Variants in LDAH observed in about 807,000 individuals in gnomAD.
LDAH encodes the protein lipid droplet-associated hydrolase.
LDAH carries 26 observed loss-of-function variants against 29.6 expected under a neutral mutation model. The ratio of observed to expected loss-of-function variants is 0.88; its 90% confidence interval spans 0.64 to 1.22. The LOEUF is 1.22. LDAH is among the 50% of genes most tolerant of loss of function. The pLI, the probability that LDAH is intolerant of heterozygous loss-of-function variation, is 0.00. For missense variants in LDAH, 344 were observed against 387.3 expected (o/e 0.89, Z 0.94); for synonymous variants, 117 against 133.0 (o/e 0.88, Z 0.83).
intron 6 of LDAH, among the ~76,000 whole-genome samples, chr2:20,689,983 G>T (rs550206702): frequency 6.6e-6 from 1 of 152,326 alleles, no homozygotes; most frequent in African/African-American, 2.4e-5. Flanking sequence ...AACAAGAAAA[G>T]CGTCACTGTA....
rs555947196 is a variant in LDAH at position 20,772,763 on chromosome 2, C to T, written c.468+2047G>A. The stretch of plus-strand genomic sequence containing the variant: ...CTCTAATGAAGTCAGCTAGACAGGC[C>T]GACACGTTAAAGAAGGTGGCCTCCC... On this transcript the variant is annotated intron_variant, in intron 4 of 6. Coordinates refer to ENST00000237822, the MANE Select transcript of LDAH (RefSeq NM_021925.4). 1.2e-3 allele frequency among the ~76,000 whole-genome samples: 181 copies of T among 152,228 alleles called. 2 individuals are homozygous for T. In the Middle Eastern group the frequency reaches 0.014, roughly 11 times the overall value.
At position 20,685,401 on chromosome 2, in the gene LDAH, C is replaced by T. The variant is rs1425509685; in HGVS notation, c.*1502G>A. 2.0e-6 allele frequency: 2 copies of T among 998,266 alleles called. No individual in the cohort carries two copies. Among genetic ancestry groups the T allele is most frequent in the African/African-American group, 1.6e-5 (1 of 61,074 alleles). 61.8% of individuals were successfully genotyped at this position (998,266 alleles called of 1,614,324 possible). A position where few individuals can be genotyped will look rare whatever the true frequency, so the allele number is the denominator to read the frequency against. ...ATGCCAATAAAGGATCTGTGTACAG[C>T]CCTGTGCTTACGGCCTATGTATCTA... On this transcript the variant is annotated 3_prime_UTR_variant, in exon 7 of 7. Transcript: ENST00000237822.
chr2:20,803,680 G>A (rs1050208002), intron 1 of LDAH, among the ~76,000 whole-genome samples: 16 of 152,086 alleles, frequency 1.1e-4, no homozygotes, highest in African/African-American at 3.6e-4. Flanking sequence ...GTGCACCAGC[G>A]TTGGCTCAGA....
intron 1 of LDAH, among the ~76,000 whole-genome samples, chr2:20,803,458 T>C (rs530021230): frequency 1.3e-4 from 20 of 152,330 alleles, no homozygotes; most frequent in African/African-American, 4.8e-4. Flanking sequence ...TGCCCCAAGC[T>C]GTAAACAGCA....
chr2:20,693,021 C>T (rs1473889512), intron 6 of LDAH, among the ~76,000 whole-genome samples: 1 of 152,068 alleles, frequency 6.6e-6, no homozygotes, highest in Non-Finnish European at 1.5e-5. Context: ...GGTCCCTGAG[C>T]CATATCCACC....
intron 2 of LDAH, 119 bp from the exon 3 acceptor site, chr2:20,790,517 ACCC>A: frequency 5.1e-6 from 4 of 783,880 alleles, no homozygotes; most frequent in Non-Finnish European, 8.1e-6. Context: ...TCTTCAGAGT[ACCC>A]AAGAGAGATT....
At chr2:20,724,717 C>T (rs2149405435) in intron 5 of LDAH, among the ~76,000 whole-genome samples, 1 of 152,262 alleles carries the variant, frequency 6.6e-6, no homozygotes, top group South Asian at 2.1e-4. Flanking sequence ...TTATAAGAGC[C>T]AGAGACAATG....
At chr2:20,802,577 TTCTCTTCCCC>T (rs1245578624) in intron 1 of LDAH, among the ~76,000 whole-genome samples, 1 of 152,156 alleles carries the variant, frequency 6.6e-6, no homozygotes, top group Non-Finnish European at 1.5e-5. Context: ...CTTTCTGTCT[TTCTCTTCCCC>T]TCTCTTCCAC....
intron 4 of LDAH, among the ~76,000 whole-genome samples, chr2:20,772,035 A>G (rs1040437298): frequency 1.3e-5 from 2 of 152,234 alleles, no homozygotes; most frequent in Non-Finnish European, 2.9e-5. Flanking sequence ...TGAAAAAGCT[A>G]TAAGAAAGCA....
At chr2:20,815,139 C>G (rs531002448) in intron 1 of LDAH, among the ~76,000 whole-genome samples, 12 of 152,086 alleles carry the variant, frequency 7.9e-5, no homozygotes, top group African/African-American at 2.7e-4. Context: ...AGAAAAAATA[C>G]TAATTAAAAT....
chr2:20,814,885 T>C (rs1326765891), intron 1 of LDAH, among the ~76,000 whole-genome samples: 1 of 152,158 alleles, frequency 6.6e-6, no homozygotes, highest in Non-Finnish European at 1.5e-5. Context: ...TTCCCTTTTA[T>C]TAGGGCCTGT....
chr2:20,745,562 A>T (rs1199915667), intron 4 of LDAH, among the ~76,000 whole-genome samples: 1 of 152,236 alleles, frequency 6.6e-6, no homozygotes. Flanking sequence ...AAGGTACTGC[A>T]TAAGTTACTT....
chr2:20,809,160 G>A (rs1558499872), intron 1 of LDAH, among the ~76,000 whole-genome samples: 2 of 151,854 alleles, frequency 1.3e-5, no homozygotes, highest in African/African-American at 4.9e-5. Context: ...AGGAGGCCGA[G>A]GCAGGTGGAT....
At chr2:20,708,251 T>C (rs906063716) in intron 5 of LDAH, among the ~76,000 whole-genome samples, 14 of 152,212 alleles carry the variant, frequency 9.2e-5, no homozygotes, top group African/African-American at 3.4e-4. Flanking sequence ...TCCAAAAAGG[T>C]TGGGGACTGG....
chr2:20,789,333 A>G (rs1162616672), intron 3 of LDAH: 2 of 1,532,850 alleles, frequency 1.3e-6, no homozygotes, highest in African/African-American at 2.8e-5. Context: ...GGACAGCAAG[A>G]ATGCCACCTG....
At chr2:20,813,365 A>G (rs1672636068) in intron 1 of LDAH, among the ~76,000 whole-genome samples, 1 of 152,198 alleles carries the variant, frequency 6.6e-6, no homozygotes, top group African/African-American at 2.4e-5. Context: ...ATATACTTCT[A>G]TGCATTTTGC....
chr2:20,821,282 A>C (rs955752796), intron 1 of LDAH, among the ~76,000 whole-genome samples: 2 of 152,174 alleles, frequency 1.3e-5, no homozygotes, highest in South Asian at 2.1e-4. Context: ...ACCCAAAGGA[A>C]TATAAATCAT....
rs1313898387 is a variant in LDAH at position 20,685,402 on chromosome 2, C to A, written c.*1501G>T. On this transcript the variant is annotated 3_prime_UTR_variant, in exon 7 of 7. Transcript: ENST00000237822. ...TGCCAATAAAGGATCTGTGTACAGC[C>A]CTGTGCTTACGGCCTATGTATCTAT... 1.2e-5 allele frequency: 12 copies of A among 1,008,136 alleles called. No individual in the cohort carries two copies. In the South Asian group the frequency reaches 1.9e-4, roughly 16 times the overall value. 62.4% of individuals were successfully genotyped at this position (1,008,136 alleles called of 1,614,324 possible). A position where few individuals can be genotyped will look rare whatever the true frequency, so the allele number is the denominator to read the frequency against.
intron 4 of LDAH, among the ~76,000 whole-genome samples, chr2:20,751,540 T>C (rs560460835): frequency 3.3e-5 from 5 of 152,332 alleles, no homozygotes; most frequent in Non-Finnish European, 7.4e-5. Flanking sequence ...TAAGCCACAA[T>C]ACACACATAT....
Sources: allele counts gnomAD v4.1 joint callset (sites outside exome capture counted in the v4.1 genomes callset), GRCh38; gene constraint gnomAD v4.1.1; transcripts MANE v1.5; gene names NCBI Gene and HGNC (gene_info 2026-07-23, HGNC 2026-07-21).